Variants in PTPRZ1 observed in about 807,000 individuals in gnomAD.
PTPRZ1 encodes protein tyrosine phosphatase receptor type Z1.
A neutral mutation model predicts 214.1 loss-of-function variants in PTPRZ1; 82 were observed. That is an observed-to-expected ratio of 0.38 (90% CI 0.32 to 0.46). PTPRZ1 has a LOEUF of 0.46. PTPRZ1 is among the 20% of genes least tolerant of loss of function. The pLI, the probability that PTPRZ1 is intolerant of heterozygous loss-of-function variation, is 1.00. For synonymous variants in PTPRZ1, 945 were observed against 987.9 expected, an observed-to-expected ratio of 0.96 and a Z score of 0.81; for missense variants, 2,603 against 2,748.7, an observed-to-expected ratio of 0.95 and a Z score of 1.19.
At chr7:121,971,015 A>G (rs1052286523) in intron 3 of PTPRZ1, among the ~76,000 whole-genome samples, 10 of 152,258 alleles carry the variant, frequency 6.6e-5, no homozygotes, top group African/African-American at 1.9e-4. Context: ...TCAGCTTTCT[A>G]CATATGGCTA....
intron 6 of PTPRZ1, among the ~76,000 whole-genome samples, chr7:121,979,233 T>C (rs1475143680): frequency 6.6e-6 from 1 of 152,088 alleles, no homozygotes; most frequent in East Asian, 1.9e-4. Flanking sequence ...CCACCATACC[T>C]ACTCTATGTT....
At chr7:121,876,928 C>G (rs184737381) in intron 1 of PTPRZ1, among the ~76,000 whole-genome samples, 1 of 152,022 alleles carries the variant, frequency 6.6e-6, no homozygotes, top group Non-Finnish European at 1.5e-5. Context: ...CCTTTAACTC[C>G]GAAAAGATTT....
intron 2 of PTPRZ1, among the ~76,000 whole-genome samples, chr7:121,956,641 G>A (rs1216686316): frequency 6.6e-6 from 1 of 152,364 alleles, no homozygotes; most frequent in South Asian, 2.1e-4. Context: ...ATTGCCTGAT[G>A]CATTGGTGAC....
chr7:122,023,675 A>G (rs1440845964), intron 13 of PTPRZ1, among the ~76,000 whole-genome samples: 1 of 133,024 alleles, frequency 7.5e-6, no homozygotes, highest in African/African-American at 2.8e-5. Context: ...ATAATTTTAT[A>G]TATAATTTTA....
chr7:122,039,042 A>G (rs1799634612), intron 19 of PTPRZ1, among the ~76,000 whole-genome samples, 153 bp downstream of exon 19: 1 of 152,238 alleles, frequency 6.6e-6, no homozygotes, highest in Admixed American at 6.5e-5. Flanking sequence ...GAAACTGTTA[A>G]TACTGTTAGT....
At chr7:121,894,238 A>G (rs1222084137) in intron 1 of PTPRZ1, among the ~76,000 whole-genome samples, 1 of 152,212 alleles carries the variant, frequency 6.6e-6, no homozygotes, top group Non-Finnish European at 1.5e-5. Flanking sequence ...CCAGCATTAA[A>G]TGCTTAACAT....
chr7:122,044,994 C>G (rs2150482483), intron 23 of PTPRZ1, among the ~76,000 whole-genome samples: 1 of 152,160 alleles, frequency 6.6e-6, no homozygotes, highest in Non-Finnish European at 1.5e-5. Flanking sequence ...AACCCCTGGA[C>G]CAAAGTAGTA....
intron 21 of PTPRZ1, 121 bp from the exon 22 acceptor site, chr7:122,042,487 T>C: frequency 1.0e-6 from 1 of 960,324 alleles, no homozygotes; most frequent in Admixed American, 3.1e-5. Context: ...AAATGTATTG[T>C]GTGGCTCACT....
rs1037062279 is a variant in PTPRZ1, at chr7:121,973,281, G to A, written c.456+589G>A. On this transcript the variant is annotated intron_variant, in intron 4 of 29. Coordinates refer to ENST00000393386, the MANE Select transcript of PTPRZ1 (RefSeq NM_002851.3). ...ATGATTATTTAAATACATTATGATGGATATTATAGATTTCACAAAAATCAT... is the reference window on the plus strand; with the variant it reads ...ATGATTATTTAAATACATTATGATGAATATTATAGATTTCACAAAAATCAT... 3.3e-5 allele frequency among the ~76,000 whole-genome samples: 5 copies of A among 151,872 alleles called. No individual in the cohort carries two copies. The East Asian group carries it at 9.7e-4, about 29-fold the overall frequency.
intron 8 of PTPRZ1, among the ~76,000 whole-genome samples, chr7:121,993,731 AC>A (rs1441127142): frequency 6.6e-6 from 1 of 152,176 alleles, no homozygotes; most frequent in African/African-American, 2.4e-5. Context: ...TATGGAATTA[AC>A]TAAATTGTTA....
intron 1 of PTPRZ1, among the ~76,000 whole-genome samples, chr7:121,886,463 A>AACACACACAC (rs148244179): frequency 1.5e-3 from 228 of 148,028 alleles, no homozygotes; most frequent in East Asian, 0.013. Context: ...TATTAAATGT[A>AACACACACAC]ACACACACAC....
At chr7:122,055,621 G>T (rs1192024806) in intron 27 of PTPRZ1, among the ~76,000 whole-genome samples, 5 of 151,764 alleles carry the variant, frequency 3.3e-5, no homozygotes, top group East Asian at 1.9e-4. Flanking sequence ...TAAAGTCTTG[G>T]TTATCTATTA....
chr7:122,048,683 A>G (rs952298395), intron 23 of PTPRZ1, among the ~76,000 whole-genome samples: 5 of 152,188 alleles, frequency 3.3e-5, no homozygotes, highest in African/African-American at 1.2e-4. Context: ...TAATGAAAAT[A>G]CACTAAAAAT....
chr7:121,957,710 C>T, intron 2 of PTPRZ1, among the ~76,000 whole-genome samples: 1 of 152,128 alleles, frequency 6.6e-6, no homozygotes, highest in East Asian at 1.9e-4. Context: ...CTTTCTTTTA[C>T]AGATAAGGTA....
chr7:122,061,321 C>G lies in PTPRZ1; in HGVS notation c.*101C>G. 2 of 1,161,980 alleles carry G rather than the reference C, an allele frequency of 1.7e-6. No individual in the cohort carries two copies. The highest frequency in any genetic ancestry group is 2.3e-6 in the Non-Finnish European group (2 of 877,140). The allele number at this position is 1,161,980 out of a possible 1,614,324, so 72.0% of individuals were successfully genotyped here. A position where few individuals can be genotyped will look rare whatever the true frequency, so the allele number is the denominator to read the frequency against. ...GTTCTGTTATCTGTTGATTTCCCAT[C>G]ACCTGACAGTAACTTTCATGACATA... On this transcript the variant is annotated 3_prime_UTR_variant, in exon 30 of 30. Coordinates refer to ENST00000393386, the MANE Select transcript of PTPRZ1 (RefSeq NM_002851.3).
At chr7:121,882,970 A>G (rs1794288367) in intron 1 of PTPRZ1, among the ~76,000 whole-genome samples, 1 of 152,174 alleles carries the variant, frequency 6.6e-6, no homozygotes, top group African/African-American at 2.4e-5. Flanking sequence ...GGGAAGGTGA[A>G]GATGTAGCAT....
Position 121,997,848 on chromosome 7 carries a change from C to T in PTPRZ1, c.1114-32C>T, listed in dbSNP as rs372596002. 132 of 1,581,342 alleles carry T rather than the reference C, an allele frequency of 8.3e-5. 1 individual carries two copies. The highest frequency in any genetic ancestry group is 1.1e-4 in the Non-Finnish European group (131 of 1,157,044). ...TGTGTTGGTAGTCCTATGAGAATAA[C>T]ATTTGTATAATTACTAACATCTTTC... On this transcript the variant is annotated intron_variant, in intron 9 of 29. Coordinates refer to ENST00000393386, the MANE Select transcript of PTPRZ1 (RefSeq NM_002851.3).
At chr7:122,023,850 TA>T (rs55791364) in intron 13 of PTPRZ1, among the ~76,000 whole-genome samples, 46,090 of 131,092 alleles carry the variant, frequency 0.35, 10,380 homozygotes, top group African/African-American at 0.62. Context: ...TATATATATA[TA>T]AAAAAAAAAA....
intron 14 of PTPRZ1, among the ~76,000 whole-genome samples, chr7:122,028,962 C>A (rs1276027664): frequency 6.6e-6 from 1 of 151,770 alleles, no homozygotes; most frequent in Non-Finnish European, 1.5e-5. Context: ...TTACTTATTC[C>A]TATTATGTTA....
Sources: gnomAD v4.1 joint callset for allele counts (sites outside exome capture counted in the v4.1 genomes callset) on GRCh38, gnomAD v4.1.1 for gene constraint, MANE v1.5 for transcripts, NCBI Gene and HGNC (gene_info 2026-07-23, HGNC 2026-07-21) for gene names.